PTPRZ1: variants seen among roughly 807,000 people sequenced by gnomAD.
PTPRZ1 encodes the protein protein tyrosine phosphatase receptor type Z1.
In PTPRZ1, 82 loss-of-function variants were observed where a neutral mutation model predicts 214.1. The ratio of observed to expected loss-of-function variants is 0.38; its 90% CI spans 0.32 to 0.46. The LOEUF (loss-of-function observed/expected upper bound fraction) is 0.46. PTPRZ1 is among the 20% of genes least tolerant of loss of function. The pLI is 1.00. For synonymous variants in PTPRZ1, 945 were observed against 987.9 expected (o/e 0.96, Z 0.81); for missense variants, 2,603 against 2,748.7 (o/e 0.95, Z 1.19).
intron 12 of PTPRZ1, among the ~76,000 whole-genome samples, chr7:122,016,868 C>T (rs1484975932): frequency 6.6e-6 from 1 of 151,990 alleles, no homozygotes; most frequent in Non-Finnish European, 1.5e-5. Context: ...ATCTACATCA[C>T]TGGTTCTCAA....
chr7:121,904,782 A>G (rs575809080), intron 1 of PTPRZ1, among the ~76,000 whole-genome samples: 1 of 152,312 alleles, frequency 6.6e-6, no homozygotes, highest in African/African-American at 2.4e-5. Context: ...GTTCCAAAAA[A>G]TAAGGAGAAC....
At chr7:122,053,534 C>T (rs1395085596) in intron 25 of PTPRZ1, among the ~76,000 whole-genome samples, 1 of 152,142 alleles carries the variant, frequency 6.6e-6, no homozygotes, top group Non-Finnish European at 1.5e-5. Context: ...GCCAAGGCAA[C>T]ATAAAAATCA....
chr7:121,918,330 A>G (rs1215929852), intron 1 of PTPRZ1, among the ~76,000 whole-genome samples: 1 of 152,200 alleles, frequency 6.6e-6, no homozygotes. Context: ...AGACTATTTC[A>G]AGGTTTACCC....
At chr7:121,942,055 C>A (rs565883615) in intron 2 of PTPRZ1, among the ~76,000 whole-genome samples, 54 of 152,302 alleles carry the variant, frequency 3.5e-4, no homozygotes, top group South Asian at 8.3e-4. Flanking sequence ...CAGTGAGAAT[C>A]AATTTCTCAT....
At chr7:121,974,756 G>A (rs947416124) in intron 4 of PTPRZ1, among the ~76,000 whole-genome samples, 2 of 152,106 alleles carry the variant, frequency 1.3e-5, no homozygotes, top group African/African-American at 4.8e-5. Context: ...CCAAAGTGCT[G>A]GGATTACAGG....
At chr7:121,924,111 C>T (rs1052701615) in intron 1 of PTPRZ1, among the ~76,000 whole-genome samples, 2 of 151,924 alleles carry the variant, frequency 1.3e-5, no homozygotes, top group Admixed American at 1.3e-4. Flanking sequence ...TTAGTTTTAT[C>T]ACTACAAAAT....
At chr7:121,999,093 A>G (rs1182625992) in intron 10 of PTPRZ1, among the ~76,000 whole-genome samples, 1 of 152,180 alleles carries the variant, frequency 6.6e-6, no homozygotes. Context: ...CAGATATTAT[A>G]GTATGCATCA....
intron 2 of PTPRZ1, among the ~76,000 whole-genome samples, chr7:121,965,474 C>T (rs1358525257): frequency 4.6e-5 from 7 of 152,140 alleles, no homozygotes; most frequent in South Asian, 2.1e-4. Flanking sequence ...CTTAGCCACA[C>T]GCCAGCTCAC....
At chr7:121,897,020 A>G (rs1376124093) in intron 1 of PTPRZ1, among the ~76,000 whole-genome samples, 1 of 152,192 alleles carries the variant, frequency 6.6e-6, no homozygotes, top group Non-Finnish European at 1.5e-5. Context: ...CATTTCTTGT[A>G]CAAAGAAAGA....
Position 122,013,512 on chromosome 7 carries a change from G to A in PTPRZ1, c.4466G>A (p.Ser1489Asn). The A allele has an allele frequency of 1.2e-6, 2 of 1,614,138 alleles. No individual in the cohort carries two copies. Among genetic ancestry groups the A allele is most frequent in the Non-Finnish European group, 1.7e-6 (2 of 1,180,032 alleles). The stretch of plus-strand genomic sequence containing the variant: ...TCTGAAGAAGATAATAGAGTCACAA[G>A]TGTATCCTCAGACAGTCAAACTGGT... ...ENSEEDNRVT[S>N]VSSDSQTGMD... The change falls in exon 12 of 30, where the codon AGT becomes AAT. Residue 1489 changes from serine to asparagine, a missense_variant. This residue lies in a region of PTPRZ1 where 1,913 missense variants were observed against 1,914.3 expected (regional missense o/e 1.00). Transcript: ENST00000393386.
At chr7:121,964,396 C>G (rs529751728) in intron 2 of PTPRZ1, among the ~76,000 whole-genome samples, 1 of 152,092 alleles carries the variant, frequency 6.6e-6, no homozygotes, top group Admixed American at 6.6e-5. Flanking sequence ...CAGAGTCAAG[C>G]GAAGGGGGAA....
At chr7:122,026,250 G>T (rs185908964) in intron 13 of PTPRZ1, among the ~76,000 whole-genome samples, 44 of 152,296 alleles carry the variant, frequency 2.9e-4, no homozygotes, top group African/African-American at 1.0e-3. Flanking sequence ...GGTTAGAGAT[G>T]CTGTTGAAGG....
chr7:122,039,507 T>A lies in PTPRZ1; in HGVS notation c.5556T>A (p.Phe1852Leu). 6.2e-7 allele frequency: 1 copy of A among 1,614,058 alleles called. No individual in the cohort carries two copies. The highest frequency in any genetic ancestry group is 2.2e-5 in the East Asian group (1 of 44,864). ...ATGGGAGTGAGGAGTACGGGAACTT[T>A]CTGGTCACTCAGAAGAGTGTGCAAG... is the stretch of plus-strand genomic sequence containing the variant. The part of the protein sequence containing the change: ...PADGSEEYGN[F>L]LVTQKSVQVL... The change falls in exon 20 of 30, where the codon TTT (phenylalanine) becomes TTA (leucine). Residue 1852 changes from phenylalanine to leucine, a missense_variant. Phe to Leu is a conservative substitution (Grantham distance 22). Coordinates refer to ENST00000393386, the MANE Select transcript of PTPRZ1 (RefSeq NM_002851.3).
intron 1 of PTPRZ1, among the ~76,000 whole-genome samples, chr7:121,876,996 G>C (rs1368352318): frequency 6.6e-6 from 1 of 152,160 alleles, no homozygotes; most frequent in Non-Finnish European, 1.5e-5. Flanking sequence ...CGTTCAGACT[G>C]TTGCATGGAA....
chr7:121,888,106 C>A (rs1267285321), intron 1 of PTPRZ1, among the ~76,000 whole-genome samples: 1 of 151,968 alleles, frequency 6.6e-6, no homozygotes, highest in Non-Finnish European at 1.5e-5. Flanking sequence ...TAGAGGAAAA[C>A]CTATTTTCCT....
chr7:122,008,657 G>T (rs1457481755), intron 11 of PTPRZ1, among the ~76,000 whole-genome samples: 1 of 152,062 alleles, frequency 6.6e-6, no homozygotes, highest in East Asian at 1.9e-4. Context: ...TGGGAGGAAA[G>T]GATAGGAAAA....
chr7:121,873,578 G>A (rs766959924), intron 1 of PTPRZ1, 21 bp downstream of exon 1: 5 of 1,613,182 alleles, frequency 3.1e-6, no homozygotes, highest in Non-Finnish European at 4.2e-6. Flanking sequence ...AGAGCTCGGT[G>A]GGGTTTCAGC....
intron 13 of PTPRZ1, among the ~76,000 whole-genome samples, chr7:122,023,605 T>TTA (rs1799099411): frequency 7.6e-6 from 1 of 131,970 alleles, no homozygotes; most frequent in East Asian, 2.0e-4. Context: ...ATGTATAATT[T>TTA]TATATATAAT....
In PTPRZ1 at chr7:122,013,329, A is replaced by T. The variant is rs1173244902; in HGVS notation, c.4283A>T (p.Asp1428Val). Residue 1428 changes from aspartate to valine, a missense_variant, in exon 12 of 30, where the codon GAT becomes GTT. Coordinates refer to ENST00000393386, the MANE Select transcript of PTPRZ1 (RefSeq NM_002851.3). ...GACACTGATGATGATGGTGATGATGATGATGATGACAGAGGTAGTGATGGC... is the reference window on the plus strand; with the variant it reads ...GACACTGATGATGATGGTGATGATGTTGATGATGACAGAGGTAGTGATGGC... ...DGDTDDDGDD[D>V]DDDRGSDGLS... 1 of 1,614,096 alleles carries T rather than the reference A, an allele frequency of 6.2e-7. No homozygotes were observed. The highest frequency in any genetic ancestry group is 1.3e-5 in the African/African-American group (1 of 75,046).
Sources: allele counts gnomAD v4.1 joint callset (sites outside exome capture counted in the v4.1 genomes callset), GRCh38; gene constraint gnomAD v4.1.1; regional missense constraint gnomAD v4.1.1; transcripts MANE v1.5; gene names NCBI Gene and HGNC (gene_info 2026-07-23, HGNC 2026-07-21).